The following PRRC2B variants were observed in gnomAD, a reference collection of about 807,000 sequenced individuals.
PRRC2B encodes the protein proline rich coiled-coil 2B, also known as protein PRRC2B.
Under a neutral mutation model 242.3 loss-of-function variants are expected in PRRC2B, and 68 were observed. The ratio of observed to expected loss-of-function variants is 0.28; its 90% CI spans 0.23 to 0.34. PRRC2B has a LOEUF of 0.34. Among genes scored for constraint, PRRC2B ranks in the 10% least tolerant of loss-of-function variants. The pLI is 1.00. For missense variants in PRRC2B, 2,835 were observed against 2,954.8 expected, an observed-to-expected ratio of 0.96 and a Z score of 0.94; for synonymous variants, 1,228 against 1,173.6, an observed-to-expected ratio of 1.05 and a Z score of -0.95.
intron 1 of PRRC2B, among the ~76,000 whole-genome samples, chr9:131,399,448 G>A (rs1325957440): frequency 2.0e-5 from 3 of 151,638 alleles, no homozygotes; most frequent in East Asian, 1.9e-4. Context: ...GCGTGGTGGC[G>A]GGCGCCTGTA....
intron 9 of PRRC2B, 174 bp downstream of exon 9, chr9:131,447,978 G>A (rs1301624616): frequency 3.1e-5 from 16 of 516,720 alleles, no homozygotes; most frequent in South Asian, 2.9e-4. Flanking sequence ...CCTGACTAGA[G>A]GTTCCTTCCT....
chr9:131,430,109 G>A lies in PRRC2B; in HGVS notation c.-36G>A, dbSNP rs752646412. 41 of 1,252,662 alleles carry A rather than the reference G, an allele frequency of 3.3e-5. 1 individual carries two copies. In the Admixed American group the frequency reaches 5.3e-4, roughly 16 times the overall value. The allele number at this position is 1,252,662 out of a possible 1,614,324, so 77.6% of individuals were successfully genotyped here. ...TCAAAGGCAGATCGGGAGCGGTGCC[G>A]AGAAAAATTTCCTTACTAGATGACA... On this transcript the variant is annotated 5_prime_UTR_variant, in exon 2 of 32. Coordinates refer to ENST00000683519, the MANE Select transcript of PRRC2B (RefSeq NM_013318.4).
In PRRC2B at chr9:131,385,838, C is replaced by T. The variant is rs975248429; in HGVS notation, c.-56+12107C>T. Among the ~76,000 whole-genome samples the T allele has an allele frequency of 2.1e-4, 31 of 149,360 alleles. 2 individuals carry two copies. Among genetic ancestry groups the T allele is most frequent in the African/African-American group, 7.3e-4 (30 of 41,052 alleles). On this transcript the variant is annotated intron_variant, in intron 1 of 1. Transcript: ENST00000682525. ...CCTCCTGAATAGCTGGGACTACAGGCGCCCACCACCACGCCCGGCTAATCT... is the reference window on the plus strand; with the variant it reads ...CCTCCTGAATAGCTGGGACTACAGGTGCCCACCACCACGCCCGGCTAATCT...
At chr9:131,388,840 C>CTTTTT (rs1315362492) in intron 1 of PRRC2B, among the ~76,000 whole-genome samples, 1 of 121,134 alleles carries the variant, frequency 8.3e-6, no homozygotes, top group Non-Finnish European at 1.7e-5. Flanking sequence ...CTCCTTTTAC[C>CTTTTT]TTTTTTTTTT....
At chr9:131,484,217 G>A (rs1442747854) in intron 23 of PRRC2B, among the ~76,000 whole-genome samples, 1 of 152,182 alleles carries the variant, frequency 6.6e-6, no homozygotes. Context: ...TCAGTTTGCT[G>A]AGGGGCACAG....
intron 13 of PRRC2B, among the ~76,000 whole-genome samples, chr9:131,469,274 C>A (rs907897527): frequency 1.3e-5 from 2 of 152,158 alleles, no homozygotes; most frequent in African/African-American, 4.8e-5. Context: ...GTGGAGGTTG[C>A]AGTGAGCCGT....
chr9:131,489,378 G>A (rs1199479447), intron 28 of PRRC2B, among the ~76,000 whole-genome samples: 4 of 151,796 alleles, frequency 2.6e-5, no homozygotes, highest in African/African-American at 9.7e-5. Context: ...AGAGATGGGG[G>A]TTTCACCATG....
upstream of PRRC2B, among the ~76,000 whole-genome samples, chr9:131,390,127 A>G (rs562998117): frequency 5.3e-5 from 8 of 149,584 alleles, no homozygotes; most frequent in African/African-American, 1.9e-4. Flanking sequence ...GTTGGCCAGG[A>G]TGGTCTTGAT....
At chr9:131,385,231 C>G (rs989698497) in intron 1 of PRRC2B, among the ~76,000 whole-genome samples, 2 of 149,144 alleles carry the variant, frequency 1.3e-5, no homozygotes, top group Non-Finnish European at 3.0e-5. Flanking sequence ...ATCCCAGCTA[C>G]TTGGGAGGCT....
rs79447813 is a variant in PRRC2B at position 131,438,618 on chromosome 9, T to G, written c.397-371T>G. On this transcript the variant is annotated intron_variant, in intron 4 of 31. Coordinates refer to ENST00000683519, the MANE Select transcript of PRRC2B (RefSeq NM_013318.4). Reference sequence around the variant, plus strand: ...CACATGCCGGAACTGGGCCTTAGTCTTTGTCGCTGGAGCAAAATAAAGTAG... The same window carrying G: ...CACATGCCGGAACTGGGCCTTAGTCGTTGTCGCTGGAGCAAAATAAAGTAG... Among the ~76,000 whole-genome samples the G allele has an allele frequency of 4.6e-5, 7 of 152,252 alleles. No individual in the cohort carries two copies. In the East Asian group the frequency reaches 1.4e-3, roughly 29 times the overall value.
intron 1 of PRRC2B, among the ~76,000 whole-genome samples, chr9:131,403,085 G>A (rs947301451): frequency 1.3e-5 from 2 of 152,086 alleles, no homozygotes; most frequent in South Asian, 2.1e-4. Flanking sequence ...AACTTTTTTC[G>A]GCAGGTGTTG....
chr9:131,412,903 C>G (rs150459124), intron 1 of PRRC2B, among the ~76,000 whole-genome samples: 6 of 151,368 alleles, frequency 4.0e-5, no homozygotes, highest in African/African-American at 1.5e-4. Context: ...AGGAGATCCT[C>G]CAGCCTCAGC....
intron 2 of PRRC2B, among the ~76,000 whole-genome samples, chr9:131,430,590 T>TGTGTGC (rs1273242563): frequency 3.6e-5 from 5 of 137,640 alleles, no homozygotes; most frequent in Non-Finnish European, 8.0e-5. Flanking sequence ...TGTGTGTGTG[T>TGTGTGC]GTGTGTATAT....
chr9:131,409,094 C>G (rs1314111046), intron 1 of PRRC2B, among the ~76,000 whole-genome samples: 1 of 150,616 alleles, frequency 6.6e-6, no homozygotes, highest in African/African-American at 2.4e-5. Flanking sequence ...GCGATCTTGT[C>G]TCACTGCAAC....
chr9:131,375,477 T>C (rs898714917), intron 1 of PRRC2B, among the ~76,000 whole-genome samples: 6 of 152,142 alleles, frequency 3.9e-5, no homozygotes, highest in Non-Finnish European at 8.8e-5. Context: ...TTGAATGAGT[T>C]ATTATGAAGG....
At chr9:131,413,172 C>T (rs1000698745) in intron 1 of PRRC2B, among the ~76,000 whole-genome samples, 1 of 152,220 alleles carries the variant, frequency 6.6e-6, no homozygotes, top group African/African-American at 2.4e-5. Context: ...AGGTCATAGC[C>T]TGTTCCTTTT....
Position 131,447,770 on chromosome 9 carries a change from C to A in PRRC2B, c.1086C>A (p.Asp362Glu), listed in dbSNP as rs759599108. The change falls in exon 9 of 32, where the codon GAC becomes GAA. Residue 362 changes from aspartate (D) to glutamate (E), a missense_variant. Physicochemically the swap from Asp to Glu is conservative, Grantham distance 45. Around this residue, in one of 7 missense-constraint regions of PRRC2B, gnomAD observed 626 missense variants for 685.5 expected, o/e 0.91. Transcript: ENST00000683519. ...ATGCGGAAAACCTGAAGGGCCTTGA[C>A]GATCTGGACGCCGATGCCGATGATG... ...IINAENLKGL[D>E]DLDADADDGW... 6.2e-7 allele frequency: 1 copy of A among 1,613,590 alleles called. No individual in the cohort carries two copies. Among genetic ancestry groups the A allele is most frequent in the Admixed American group, 1.7e-5 (1 of 60,006 alleles).
rs117861682 is a variant in PRRC2B at position 131,439,094 on chromosome 9, C to T, written c.469+33C>T. Reference sequence around the variant, plus strand: ...CGCACGTGTGTGTGTTGTTTGGGGACGCTGGGGAGAGGGAGGTGAATGCCT... The same window carrying T: ...CGCACGTGTGTGTGTTGTTTGGGGATGCTGGGGAGAGGGAGGTGAATGCCT... On this transcript the variant is annotated intron_variant, in intron 5 of 31. Coordinates refer to ENST00000683519, the MANE Select transcript of PRRC2B (RefSeq NM_013318.4). 4.8e-5 allele frequency: 77 copies of T among 1,592,132 alleles called. No homozygotes were observed. In the East Asian group the frequency reaches 1.1e-3, roughly 22 times the overall value.
intron 1 of PRRC2B, among the ~76,000 whole-genome samples, chr9:131,405,107 A>C (rs1256648476): frequency 6.6e-6 from 1 of 152,220 alleles, no homozygotes; most frequent in African/African-American, 2.4e-5. Context: ...ATCAAAAGCT[A>C]CTGTTTGCGG....
Sources: allele counts gnomAD v4.1 joint callset (sites outside exome capture counted in the v4.1 genomes callset), GRCh38; gene constraint gnomAD v4.1.1; regional missense constraint gnomAD v4.1.1; transcripts MANE v1.5; gene names NCBI Gene and HGNC (gene_info 2026-07-23, HGNC 2026-07-21).